Variants in SLIT1 observed in about 807,000 individuals in gnomAD.
SLIT1 encodes slit homolog 1 protein.
A neutral mutation model predicts 186.1 loss-of-function variants in SLIT1; 66 were observed. That is an observed-to-expected ratio of 0.35 (90% CI 0.29 to 0.44). The LOEUF (loss-of-function observed/expected upper bound fraction) is 0.44, where lower values mean the gene tolerates loss of function less well. SLIT1 is among the 20% of genes least tolerant of loss of function. The pLI is 1.00. For synonymous variants in SLIT1, 761 were observed against 833.8 expected, an observed-to-expected ratio of 0.91 and a Z score of 1.50; for missense variants, 1,638 against 2,037.4, an observed-to-expected ratio of 0.80 and a Z score of 3.77.
chr10:97,128,281 T>G (rs1849621858), intron 4 of SLIT1, among the ~76,000 whole-genome samples: 1 of 152,096 alleles, frequency 6.6e-6, no homozygotes, highest in Admixed American at 6.5e-5. Context: ...TTCATCACAT[T>G]TGAGACACAA....
intron 31 of SLIT1, among the ~76,000 whole-genome samples, chr10:97,008,454 G>A (rs1848380870): frequency 6.6e-6 from 1 of 152,196 alleles, no homozygotes; most frequent in South Asian, 2.1e-4. Flanking sequence ...CAGCACTTTG[G>A]GAGGCCGAGG....
At chr10:97,169,437 TC>T (rs1357533372) in intron 1 of SLIT1, among the ~76,000 whole-genome samples, 1 of 152,168 alleles carries the variant, frequency 6.6e-6, no homozygotes, top group Non-Finnish European at 1.5e-5. Context: ...GCCAGCCACT[TC>T]CCCTTAACAG....
intron 1 of SLIT1, among the ~76,000 whole-genome samples, chr10:97,178,524 C>A (rs142910158): frequency 2.6e-5 from 4 of 152,092 alleles, no homozygotes; most frequent in African/African-American, 9.7e-5. Context: ...ATGCCATGTG[C>A]GATCCTGGCA....
At chr10:97,105,429 A>G (rs1199990102) in intron 4 of SLIT1, among the ~76,000 whole-genome samples, 3 of 152,214 alleles carry the variant, frequency 2.0e-5, no homozygotes, top group Admixed American at 2.0e-4. Context: ...AGCAAGAACC[A>G]GATGAAAGGG....
At chr10:97,063,337 T>G (rs1166481819) in intron 8 of SLIT1, 118 bp downstream of exon 8, 2 of 1,092,372 alleles carry the variant, frequency 1.8e-6, no homozygotes, top group African/African-American at 1.6e-5. Flanking sequence ...GGCCAGGTGA[T>G]GGGCGGGGTC....
At chr10:97,137,761 T>A (rs912211888) in intron 4 of SLIT1, among the ~76,000 whole-genome samples, 10 of 152,302 alleles carry the variant, frequency 6.6e-5, no homozygotes, top group African/African-American at 2.2e-4. Flanking sequence ...AATTTTTGTA[T>A]TTTCTGTAGA....
chr10:97,145,276 C>G (rs1849805464), intron 4 of SLIT1, among the ~76,000 whole-genome samples: 1 of 152,146 alleles, frequency 6.6e-6, no homozygotes, highest in African/African-American at 2.4e-5. Flanking sequence ...TGCCATCACA[C>G]CCGGCTAATT....
chr10:97,030,129 C>T (rs1848578321), intron 25 of SLIT1, among the ~76,000 whole-genome samples: 1 of 152,188 alleles, frequency 6.6e-6, no homozygotes, highest in Admixed American at 6.5e-5. Flanking sequence ...TCTGGATATA[C>T]CTCTTAGAGT....
chr10:97,011,768 A>G lies in SLIT1; in HGVS notation c.3204-638T>C, dbSNP rs908244304. Among the ~76,000 whole-genome samples, 7 of 152,082 alleles carry G rather than the reference A, an allele frequency of 4.6e-5. No homozygotes were observed. In the East Asian group the frequency reaches 1.4e-3, roughly 29 times the overall value. ...GTAATGGCCTTGCTGTCTGTCCTAC[A>G]GACCTCCTGCTCCCCTGACACCAAG... On this transcript the variant is annotated intron_variant, in intron 30 of 36. Coordinates refer to ENST00000266058, the MANE Select transcript of SLIT1 (RefSeq NM_003061.3).
chr10:97,147,899 T>C (rs530059894), intron 4 of SLIT1, among the ~76,000 whole-genome samples: 11 of 152,344 alleles, frequency 7.2e-5, no homozygotes, highest in South Asian at 6.2e-4. Context: ...AGTCCAGTTC[T>C]TCCTCTTCAC....
At chr10:97,029,918 C>G (rs978762642) in intron 25 of SLIT1, among the ~76,000 whole-genome samples, 1 of 152,216 alleles carries the variant, frequency 6.6e-6, no homozygotes, top group African/African-American at 2.4e-5. Flanking sequence ...TTTCACCTAA[C>G]ATAATGCCTT....
chr10:97,132,614 C>T (rs1019722950), intron 4 of SLIT1, among the ~76,000 whole-genome samples: 26 of 152,196 alleles, frequency 1.7e-4, no homozygotes, highest in Non-Finnish European at 1.5e-5. Flanking sequence ...TAAACTCTGA[C>T]AGAATCTAAA....
chr10:97,038,713 A>T (rs1441287774), intron 21 of SLIT1, among the ~76,000 whole-genome samples: 1 of 151,204 alleles, frequency 6.6e-6, no homozygotes, highest in Non-Finnish European at 1.5e-5. Flanking sequence ...GCTCTCCCCC[A>T]CTTCCCAAAG....
At chr10:97,139,702 G>T (rs1472770723) in intron 4 of SLIT1, among the ~76,000 whole-genome samples, 1 of 152,158 alleles carries the variant, frequency 6.6e-6, no homozygotes, top group African/African-American at 2.4e-5. Flanking sequence ...GAGCTGACAT[G>T]TCCAAAGGAT....
chr10:97,005,630 T>C (rs1848353493), intron 32 of SLIT1, among the ~76,000 whole-genome samples: 1 of 152,220 alleles, frequency 6.6e-6, no homozygotes, highest in Admixed American at 6.5e-5. Context: ...AAGATGAGGA[T>C]AAACCAAGGA....
intron 2 of SLIT1, 36 bp from the exon 3 acceptor site, chr10:97,163,487 G>A (rs762781126): frequency 6.3e-6 from 10 of 1,586,246 alleles, no homozygotes; most frequent in Middle Eastern, 1.7e-4. Context: ...GCTACAGGGT[G>A]TGGGACAAGG....
chr10:97,048,341 A>C (rs1848755306), intron 14 of SLIT1, among the ~76,000 whole-genome samples: 1 of 152,108 alleles, frequency 6.6e-6, no homozygotes, highest in Non-Finnish European at 1.5e-5. Context: ...AAGCTGCCCC[A>C]CACTGTCCCC....
intron 4 of SLIT1, among the ~76,000 whole-genome samples, chr10:97,127,712 G>A (rs1355994676): frequency 6.6e-6 from 1 of 152,186 alleles, no homozygotes; most frequent in African/African-American, 2.4e-5. Flanking sequence ...ACCAACCAGT[G>A]TGCAGGGAGG....
intron 1 of SLIT1, among the ~76,000 whole-genome samples, chr10:97,182,281 A>G (rs890700693): frequency 1.1e-4 from 17 of 152,186 alleles, no homozygotes; most frequent in Non-Finnish European, 2.1e-4. Context: ...TATAGAATAT[A>G]TGATCATAAA....
Sources: gnomAD v4.1 joint callset for allele counts (sites outside exome capture counted in the v4.1 genomes callset) on GRCh38, gnomAD v4.1.1 for gene constraint, MANE v1.5 for transcripts, NCBI Gene and HGNC (gene_info 2026-07-23, HGNC 2026-07-21) for gene names.